Variants in DCAF8L2 observed in about 807,000 individuals in gnomAD.
DCAF8L2 encodes the protein DDB1 and CUL4 associated factor 8 like 2.
For synonymous variants in DCAF8L2, 200 were observed against 190.9 expected (o/e 1.05, Z -0.39); for missense variants, 430 against 490.7 (o/e 0.88, Z 1.17).
intron 3 of DCAF8L2, among the ~76,000 whole-genome samples, chrX:27,686,833 G>T (rs1930526229): frequency 8.9e-6 from 1 of 112,241 alleles, no homozygotes; most frequent in Non-Finnish European, 1.9e-5. Flanking sequence ...TACGGACTGG[G>T]TAGAGGGGTG....
At chrX:27,683,512 C>T (rs1030640952) in intron 3 of DCAF8L2, among the ~76,000 whole-genome samples, 1 of 112,474 alleles carries the variant, frequency 8.9e-6, no homozygotes, top group Non-Finnish European at 1.9e-5. Context: ...GCTGTATTAG[C>T]TACCTTGTGG....
chrX:27,622,309 T>C (rs6526686), intron 1 of DCAF8L2, among the ~76,000 whole-genome samples: 7,584 of 93,088 alleles, frequency 0.081, 1,480 homozygotes, highest in African/African-American at 0.34. Context: ...CCTGTATTCC[T>C]AGCTACTAGG....
At chrX:27,671,357 C>T (rs1462841156) in intron 2 of DCAF8L2, among the ~76,000 whole-genome samples, 1 of 111,925 alleles carries the variant, frequency 8.9e-6, no homozygotes, top group Non-Finnish European at 1.9e-5. Context: ...CTGCTATATA[C>T]TTCTCATTTA....
chrX:27,707,505 A>G (rs1245213458), intron 3 of DCAF8L2, among the ~76,000 whole-genome samples: 2 of 111,812 alleles, frequency 1.8e-5, no homozygotes, highest in Non-Finnish European at 3.8e-5. Flanking sequence ...TGGCATTTCT[A>G]TATGTTTGAA....
At chrX:27,678,102 T>C (rs897900051) in intron 3 of DCAF8L2, among the ~76,000 whole-genome samples, 190 bp downstream of exon 3, 1 of 112,084 alleles carries the variant, frequency 8.9e-6, no homozygotes, top group African/African-American at 3.2e-5. Context: ...TGACTTCTTA[T>C]TTTCTGGTTT....
At chrX:27,608,256 C>T (rs1264349545) in intron 1 of DCAF8L2, among the ~76,000 whole-genome samples, 2 of 111,278 alleles carry the variant, frequency 1.8e-5, no homozygotes, top group Non-Finnish European at 3.8e-5. Context: ...ACAGTTTTCA[C>T]TGCTGAAAAT....
chrX:27,709,076 C>T (rs1439121100), intron 3 of DCAF8L2, among the ~76,000 whole-genome samples: 3 of 111,972 alleles, frequency 2.7e-5, no homozygotes, highest in East Asian at 2.8e-4. Context: ...TGTGCCACCA[C>T]GCCCGGCTAA....
the DCAF8L2 span, among the ~76,000 whole-genome samples, chrX:27,583,807 T>C: frequency 8.9e-6 from 1 of 111,854 alleles, no homozygotes; most frequent in Non-Finnish European, 1.9e-5. Context: ...CATGGAAAAA[T>C]TGTCTTCCAT....
chrX:27,591,566 G>A (rs1380254556), intron 1 of DCAF8L2, among the ~76,000 whole-genome samples: 1 of 111,527 alleles, frequency 9.0e-6, no homozygotes, highest in Admixed American at 9.5e-5. Flanking sequence ...TGAAAGCGTA[G>A]TAATAAACAA....
At chrX:27,733,843 G>A (rs906414535) in intron 4 of DCAF8L2, among the ~76,000 whole-genome samples, 2 of 111,226 alleles carry the variant, frequency 1.8e-5, no homozygotes, top group African/African-American at 6.6e-5. Flanking sequence ...GATCATGTGT[G>A]GTTGGATTTA....
chrX:27,518,168 G>T, the DCAF8L2 span: 3 of 906,570 alleles, frequency 3.3e-6, no homozygotes, highest in Admixed American at 4.4e-5. Flanking sequence ...GAAATATATT[G>T]CCCGCCAGAA....
At chrX:27,623,003 G>T (rs976558379) in intron 1 of DCAF8L2, among the ~76,000 whole-genome samples, 1 of 112,068 alleles carries the variant, frequency 8.9e-6, no homozygotes, top group Non-Finnish European at 1.9e-5. Flanking sequence ...ACTTGGAATT[G>T]CTCCAATTAT....
chrX:27,512,336 G>A, the DCAF8L2 span, among the ~76,000 whole-genome samples: 1 of 110,715 alleles, frequency 9.0e-6, no homozygotes. Context: ...TGGATTGGAA[G>A]AATTAATATT....
intron 2 of DCAF8L2, among the ~76,000 whole-genome samples, chrX:27,643,452 A>T (rs1928818619): frequency 8.9e-6 from 1 of 111,814 alleles, no homozygotes; most frequent in Non-Finnish European, 1.9e-5. Flanking sequence ...GAAAAAAGTT[A>T]ATCTGTGTTG....
intron 3 of DCAF8L2, among the ~76,000 whole-genome samples, chrX:27,703,787 G>T (rs1181383753): frequency 4.6e-5 from 5 of 109,669 alleles, no homozygotes; most frequent in Non-Finnish European, 9.5e-5. Context: ...TAAAACATAG[G>T]AATAAATCTT....
the DCAF8L2 span, among the ~76,000 whole-genome samples, chrX:27,559,454 A>G: frequency 8.9e-6 from 1 of 112,169 alleles, no homozygotes; most frequent in African/African-American, 3.2e-5. Context: ...TCAACTTGCC[A>G]CCAACAAGTT....
At chrX:27,551,185 T>G in the DCAF8L2 span, among the ~76,000 whole-genome samples, 1 of 109,095 alleles carries the variant, frequency 9.2e-6, no homozygotes, top group Non-Finnish European at 1.9e-5. Flanking sequence ...TTAATCACTC[T>G]ACAAAGACCT....
At chrX:27,745,648 A>C (rs948628325) in intron 4 of DCAF8L2, among the ~76,000 whole-genome samples, 1 of 111,903 alleles carries the variant, frequency 8.9e-6, no homozygotes, top group African/African-American at 3.2e-5. Flanking sequence ...ATTTTTAATC[A>C]ATTTTGCATT....
the DCAF8L2 span, among the ~76,000 whole-genome samples, chrX:27,545,848 A>G: frequency 3.1e-4 from 35 of 111,634 alleles, no homozygotes; most frequent in African/African-American, 1.1e-3. Context: ...GTGCAGAAAA[A>G]ACTACCATTT....
Sources: gnomAD v4.1 joint callset for allele counts (sites outside exome capture counted in the v4.1 genomes callset) on GRCh38, gnomAD v4.1.1 for gene constraint, MANE v1.5 for transcripts, NCBI Gene and HGNC (gene_info 2026-07-23, HGNC 2026-07-21) for gene names.